MTF2: variants seen among roughly 807,000 people sequenced by gnomAD.
MTF2 encodes the protein metal response element binding transcription factor 2, also known as metal-response element-binding transcription factor 2.
Under a neutral mutation model 79.5 loss-of-function variants are expected in MTF2, and 11 were observed. That is an observed-to-expected ratio of 0.14 (90% CI 0.09 to 0.23). The LOEUF (loss-of-function observed/expected upper bound fraction) is 0.23. Among genes scored for constraint, MTF2 ranks in the 10% least tolerant of loss-of-function variants. The pLI, the probability that MTF2 is intolerant of heterozygous loss-of-function variation, is 1.00. For synonymous variants in MTF2, 208 were observed against 232.8 expected (o/e 0.89, Z 0.97); for missense variants, 486 against 711.2 (o/e 0.68, Z 3.60).
chr1:93,134,771 G>T (rs916886088), intron 14 of MTF2, among the ~76,000 whole-genome samples: 3 of 150,096 alleles, frequency 2.0e-5, no homozygotes, highest in Admixed American at 6.7e-5. Flanking sequence ...TGATCCTCCT[G>T]TGTTGGCCTT....
Position 93,095,438 on chromosome 1 carries a change from T to C in MTF2, c.6-14792T>C, listed in dbSNP as rs143156869. Among the ~76,000 whole-genome samples the C allele has an allele frequency of 7.8e-3, 1,180 of 152,222 alleles. 21 individuals carry two copies. The highest frequency in any genetic ancestry group is 0.027 in the African/African-American group (1,126 of 41,528). ...TCACTGCAACCTCCGCCTCCTGGGT[T>C]CAAGCGATTCTCCTGCCTCAGCCTC... On this transcript the variant is annotated intron_variant, in intron 1 of 14. Transcript: ENST00000370298.
Position 93,137,950 on chromosome 1 carries a change from G to A in MTF2, c.*923G>A, listed in dbSNP as rs936279348. ...ATATGAACATTATCTCCTACTAGAA[G>A]TAACGTTTTCAAGTTTTCATGGCAC... On this transcript the variant is annotated 3_prime_UTR_variant, in exon 15 of 15. Coordinates refer to ENST00000370298, the MANE Select transcript of MTF2 (RefSeq NM_007358.4). 1.3e-5 allele frequency: 2 copies of A among 152,152 alleles called. No homozygotes were observed. Among genetic ancestry groups the A allele is most frequent in the East Asian group, 1.9e-4 (1 of 5,198 alleles). 9.4% of individuals were successfully genotyped at this position (152,152 alleles called of 1,614,324 possible). A position where few individuals can be genotyped will look rare whatever the true frequency, so the allele number is the denominator to read the frequency against.
At chr1:93,099,449 G>A (rs981347250) in intron 1 of MTF2, among the ~76,000 whole-genome samples, 1 of 152,158 alleles carries the variant, frequency 6.6e-6, no homozygotes. Flanking sequence ...GGAAAAAATG[G>A]TAACCTATAA....
rs1306591264 is a variant in MTF2 at position 93,115,535 on chromosome 1, C to T, written c.549C>T (p.Pro183=). 1.2e-6 allele frequency: 2 copies of T among 1,612,250 alleles called. No homozygotes were observed. The highest frequency in any genetic ancestry group is 1.7e-6 in the Non-Finnish European group (2 of 1,179,184). The change falls in exon 6 of 15, where the codon CCC becomes CCT. Residue 183 remains proline, a synonymous_variant. Coordinates refer to ENST00000370298, the MANE Select transcript of MTF2 (RefSeq NM_007358.4). ...TGCAAGTCATGAAGCAGACATTACC[C>T]TATAGTGTGGCAGACCTTGAATGGG... ...KALQVMKQTL[P]YSVADLEWDA...
intron 1 of MTF2, among the ~76,000 whole-genome samples, chr1:93,079,833 TG>T (rs1179070515): frequency 1.4e-5 from 1 of 72,386 alleles, no homozygotes. Context: ...GGAAGGAACC[TG>T]GGGGCGGGAG....
intron 7 of MTF2, 59 bp downstream of exon 7, chr1:93,118,499 A>G (rs1294926749): frequency 8.2e-7 from 1 of 1,219,266 alleles, no homozygotes; most frequent in South Asian, 1.5e-5. Context: ...TTGTGGTTAT[A>G]TTTGTGATTT....
At chr1:93,117,198 T>G (rs1020478231) in intron 6 of MTF2, among the ~76,000 whole-genome samples, 3 of 152,206 alleles carry the variant, frequency 2.0e-5, no homozygotes, top group African/African-American at 7.2e-5. Flanking sequence ...TATCAAAGTT[T>G]GGAAATGGTG....
rs541149620 is a variant in MTF2 at position 93,134,108 on chromosome 1, C to T, written c.1337C>T (p.Ala446Val). The change falls in exon 14 of 15, where the codon GCA (alanine) becomes GTA (valine). Residue 446 changes from alanine (A) to valine (V), a missense_variant. This residue lies in a region of MTF2 where 209 missense variants were observed against 206.5 expected (regional missense o/e 1.01). Transcript: ENST00000370298. ...TGTCTCAGGAGAACTGAGGGAACTG[C>T]ACATTCATCCAATACCTCAGATGTG... ...PCSIGRTEGT[A>V]HSSNTSDVDF... is the part of the protein sequence containing the mutation. The T allele has an allele frequency of 2.5e-6, 4 of 1,612,304 alleles. No individual in the cohort carries two copies. The East Asian group carries it at 8.9e-5, about 36-fold the overall frequency.
At chr1:93,101,812 A>T (rs113737927) in intron 1 of MTF2, among the ~76,000 whole-genome samples, 13,300 of 151,718 alleles carry the variant, frequency 0.088, 652 homozygotes, top group African/African-American at 0.13. Context: ...TCCTGGCCTC[A>T]AGCACTCCTC....
chr1:93,098,974 A>G (rs1571224132), intron 1 of MTF2, among the ~76,000 whole-genome samples: 1 of 152,186 alleles, frequency 6.6e-6, no homozygotes, highest in East Asian at 1.9e-4. Flanking sequence ...TGACATTTAC[A>G]GATGGTGAGA....
At position 93,134,156 on chromosome 1, in the gene MTF2, C is replaced by T. The variant is rs749273526; in HGVS notation, c.1385C>T (p.Ala462Val). The T allele has an allele frequency of 3.0e-5, 48 of 1,613,192 alleles. No individual in the cohort carries two copies. Among genetic ancestry groups the T allele is most frequent in the African/African-American group, 4.0e-5 (3 of 75,008 alleles). ...SDVDFTGASS[A>V]KETTSSSISR... is the part of the protein sequence containing the mutation. ...GTGGATTTCACGGGTGCTTCCAGTG[C>T]AAAAGAAACTACCTCGTCTAGCATT... is the stretch of plus-strand genomic sequence containing the variant. Residue 462 changes from alanine (A) to valine (V), a missense_variant, in exon 14 of 15, where the codon GCA becomes GTA. Transcript: ENST00000370298.
intron 1 of MTF2, among the ~76,000 whole-genome samples, chr1:93,107,504 G>A (rs56283142): frequency 0.021 from 3,141 of 152,272 alleles, 40 homozygotes; most frequent in Non-Finnish European, 0.035. Flanking sequence ...GGAATTACAG[G>A]CATGAGCCAC....
Position 93,138,553 on chromosome 1 carries a change from A to G in MTF2, c.*1526A>G, listed in dbSNP as rs1647495084. 2 of 152,346 alleles carry G rather than the reference A, an allele frequency of 1.3e-5. No individual in the cohort carries two copies. The highest frequency in any genetic ancestry group is 2.4e-5 in the African/African-American group (1 of 41,586). The allele number at this position is 152,346 out of a possible 1,614,324, so 9.4% of individuals were successfully genotyped here. A position where few individuals can be genotyped will look rare whatever the true frequency, so the allele number is the denominator to read the frequency against. ...AAAGATGATCCTTTCTTGTCACATT[A>G]TAGCCAAAAGAAGCAGAGAACTTCA... On this transcript the variant is annotated 3_prime_UTR_variant, in exon 15 of 15. Coordinates refer to ENST00000370298, the MANE Select transcript of MTF2 (RefSeq NM_007358.4).
chr1:93,100,113 T>G (rs1474436602), intron 1 of MTF2, among the ~76,000 whole-genome samples: 3 of 152,138 alleles, frequency 2.0e-5, no homozygotes, highest in Non-Finnish European at 2.9e-5. Flanking sequence ...ATAAACACAT[T>G]ATTTGTAAAT....
At chr1:93,104,102 C>CTTTTTTT (rs781525518) in intron 1 of MTF2, among the ~76,000 whole-genome samples, 1 of 125,430 alleles carries the variant, frequency 8.0e-6, no homozygotes, top group African/African-American at 3.2e-5. Context: ...CTACACCCAG[C>CTTTTTTT]TTTTTTTTTT....
rs181066938 is a variant in MTF2 at position 93,118,475 on chromosome 1, T to C, written c.728+35T>C. 4.2e-6 allele frequency: 6 copies of C among 1,419,614 alleles called. No homozygotes were observed. The African/African-American group carries it at 8.7e-5, about 21-fold the overall frequency. The allele number at this position is 1,419,614 out of a possible 1,614,324, so 87.9% of individuals were successfully genotyped here. The stretch of plus-strand genomic sequence containing the variant: ...GCATTTGAACTTTACTGGCTGATTT[T>C]TGTCACTTTTTAATTGTGGTTATAT... On this transcript the variant is annotated intron_variant, in intron 7 of 14. Transcript: ENST00000370298.
At chr1:93,097,002 G>A (rs945530827) in intron 1 of MTF2, among the ~76,000 whole-genome samples, 8 of 151,756 alleles carry the variant, frequency 5.3e-5, no homozygotes, top group African/African-American at 1.7e-4. Flanking sequence ...TAGAGATGCG[G>A]TTTTACCATG....
intron 1 of MTF2, among the ~76,000 whole-genome samples, chr1:93,098,961 G>A (rs1029342112): frequency 5.3e-5 from 8 of 152,112 alleles, no homozygotes; most frequent in Non-Finnish European, 8.8e-5. Context: ...AGGGATGAGA[G>A]GATGACATTT....
intron 1 of MTF2, among the ~76,000 whole-genome samples, chr1:93,096,808 C>CTTTTTTTTTTTTTTT (rs961849389): frequency 5.1e-5 from 7 of 136,242 alleles, no homozygotes; most frequent in African/African-American, 8.3e-5. Flanking sequence ...TTTTCTTTTT[C>CTTTTTTTTTTTTTTT]TTTTTTTTTT....
Sources: allele counts gnomAD v4.1 joint callset (sites outside exome capture counted in the v4.1 genomes callset), GRCh38; gene constraint gnomAD v4.1.1; regional missense constraint gnomAD v4.1.1; transcripts MANE v1.5; gene names NCBI Gene and HGNC (gene_info 2026-07-23, HGNC 2026-07-21).